Variants in PAH observed in about 807,000 individuals in gnomAD.
The protein encoded by PAH is phenylalanine hydroxylase.
A neutral mutation model predicts 62.0 loss-of-function variants in PAH; 64 were observed. The observed-to-expected ratio is 1.03, with a 90% CI of 0.84 to 1.27. The LOEUF (loss-of-function observed/expected upper bound fraction) is 1.27, where lower values mean the gene tolerates loss of function less well. Among genes scored for constraint, PAH ranks in the 50% most tolerant of loss-of-function variants. The probability of loss-of-function intolerance (pLI) is 0.00; values close to 1 mark genes in which losing one functional copy is unlikely to be tolerated. For synonymous variants in PAH, 195 were observed against 196.2 expected, an observed-to-expected ratio of 0.99 and a Z score of 0.05; for missense variants, 579 against 542.8, an observed-to-expected ratio of 1.07 and a Z score of -0.66.
chr12:102,931,195 T>C (rs1006177223), intron 1 of PAH, among the ~76,000 whole-genome samples: 1 of 152,196 alleles, frequency 6.6e-6, no homozygotes, highest in Non-Finnish European at 1.5e-5. Context: ...CTATCAAATT[T>C]TATATTTAAA....
At chr12:102,877,805 G>A (rs1296701620) in intron 3 of PAH, among the ~76,000 whole-genome samples, 13 of 152,194 alleles carry the variant, frequency 8.5e-5, no homozygotes, top group East Asian at 3.9e-4. Context: ...CCTCCCACCC[G>A]TCATGGTAGT....
At position 102,957,174 on chromosome 12, in the gene PAH, A is replaced by G. The variant is rs1360222046; in HGVS notation, c.-96+1021T>C. 1.3e-5 allele frequency among the ~76,000 whole-genome samples: 2 copies of G among 151,564 alleles called. No homozygotes were observed. Among genetic ancestry groups the G allele is most frequent in the Non-Finnish European group, 2.9e-5 (2 of 67,868 alleles). ...GAGAAAACAGGAAAAGTCGAGCCCCACTCCCTCCTCACCTCCACACCGTTC... is the reference window on the plus strand; with the variant it reads ...GAGAAAACAGGAAAAGTCGAGCCCCGCTCCCTCCTCACCTCCACACCGTTC... On this transcript the variant is annotated intron_variant, in intron 1 of 4. Transcript: ENST00000551337. The surrounding 1 kb of genome is among the most constrained non-coding windows in gnomAD (Gnocchi z 4.1).
At chr12:102,951,354 C>G (rs1879755377), upstream of PAH, among the ~76,000 whole-genome samples, 1 of 152,100 alleles carries the variant, frequency 6.6e-6, no homozygotes, top group Non-Finnish European at 1.5e-5. Context: ...TGAGGGTCAA[C>G]GAAGCAGAGT....
upstream of PAH, among the ~76,000 whole-genome samples, chr12:102,952,969 T>C (rs1879812852): frequency 6.6e-6 from 1 of 152,206 alleles, no homozygotes; most frequent in Non-Finnish European, 1.5e-5. Flanking sequence ...TTTCTGAAAT[T>C]ACCTTGGGTA....
intron 2 of PAH, among the ~76,000 whole-genome samples, chr12:102,903,006 A>G (rs1319335442): frequency 1.3e-5 from 2 of 152,172 alleles, no homozygotes; most frequent in Non-Finnish European, 2.9e-5. Context: ...AGAGAAAAGA[A>G]CTGTCTTTTC....
In PAH at chr12:102,957,858, G is replaced by C. The variant is rs1343665874; in HGVS notation, c.-96+337C>G. ...AGCGCAGCCTTAGTAGGAGAGGAAC[G>C]CGAGACGCGGCAGAGCGCGTTCAGC... On this transcript the variant is annotated intron_variant, in intron 1 of 4. Transcript: ENST00000551337. The surrounding 1 kb of genome is among the most constrained non-coding windows in gnomAD (Gnocchi z 4.1). The C allele has an allele frequency of 5.8e-6, 1 of 173,192 alleles. No homozygotes were observed. The highest frequency in any genetic ancestry group is 1.2e-5 in the Non-Finnish European group (1 of 82,644). The allele number at this position is 173,192 out of a possible 1,614,324, so 10.7% of individuals were successfully genotyped here.
At chr12:102,922,651 AT>A (rs143008229) in intron 1 of PAH, among the ~76,000 whole-genome samples, 4,814 of 152,292 alleles carry the variant, frequency 0.032, 262 homozygotes, top group African/African-American at 0.11. Context: ...AAGTATTAAC[AT>A]TTATGTTGTT....
chr12:102,918,034 G>C (rs1474581149), upstream of PAH, among the ~76,000 whole-genome samples: 1 of 152,194 alleles, frequency 6.6e-6, no homozygotes, highest in Non-Finnish European at 1.5e-5. Context: ...GAACAAAACA[G>C]ACTCTGCCTC....
Position 102,843,611 on chromosome 12 carries a change from C to T in PAH, c.1199+35G>A, listed in dbSNP as rs752746091. 6 of 1,612,922 alleles carry T rather than the reference C, an allele frequency of 3.7e-6. No homozygotes were observed. In the African/African-American group the frequency reaches 6.7e-5, roughly 18 times the overall value. ...ATGAGTGGCACCAGTCAGGAGGCCC[C>T]CAGAGCTAGTGGCTCACCTTTGTCA... On this transcript the variant is annotated intron_variant, in intron 11 of 12. Transcript: ENST00000553106.
chr12:102,879,085 T>C (rs914931267), intron 3 of PAH, among the ~76,000 whole-genome samples: 5 of 152,100 alleles, frequency 3.3e-5, no homozygotes, highest in Non-Finnish European at 7.3e-5. Flanking sequence ...CCGGGTTCCA[T>C]CTGCCTACTT....
intron 3 of PAH, among the ~76,000 whole-genome samples, chr12:102,885,609 A>T (rs1877005781): frequency 6.6e-6 from 1 of 152,174 alleles, no homozygotes; most frequent in Non-Finnish European, 1.5e-5. Flanking sequence ...TAGTGGTCCC[A>T]TTAAGTCGGG....
At chr12:102,884,540 C>G (rs1259060117) in intron 3 of PAH, among the ~76,000 whole-genome samples, 47 of 152,340 alleles carry the variant, frequency 3.1e-4, no homozygotes, top group Middle Eastern at 3.4e-3. Flanking sequence ...TCCTGCGTCT[C>G]TGGCTTTGCA....
intron 4 of PAH, among the ~76,000 whole-genome samples, chr12:102,867,834 T>C (rs796951050): frequency 3.8e-5 from 5 of 131,464 alleles, no homozygotes; most frequent in Admixed American, 9.0e-5. Flanking sequence ...TCTCTCTCTC[T>C]CCCCCTCTCT....
chr12:102,852,303 G>A, intron 7 of PAH: 1 of 196,480 alleles, frequency 5.1e-6, no homozygotes, highest in South Asian at 1.0e-4. Flanking sequence ...TGAACTTTAT[G>A]GGCAAGGAAA....
At chr12:102,907,000 T>A (rs1878003465) in intron 2 of PAH, among the ~76,000 whole-genome samples, 1 of 152,202 alleles carries the variant, frequency 6.6e-6, no homozygotes, top group Non-Finnish European at 1.5e-5. Context: ...ATGATCAGGA[T>A]AGAGGAGAGA....
chr12:102,879,823 G>A (rs951291550), intron 3 of PAH, among the ~76,000 whole-genome samples: 2 of 152,168 alleles, frequency 1.3e-5, no homozygotes, highest in African/African-American at 2.4e-5. Flanking sequence ...TGACTGTGAA[G>A]CCAGATTTCC....
At chr12:102,875,991 A>G (rs144007159) in intron 4 of PAH, among the ~76,000 whole-genome samples, 1 of 151,726 alleles carries the variant, frequency 6.6e-6, no homozygotes, top group African/African-American at 2.4e-5. Context: ...GCACACCCAA[A>G]TATTAATATT....
At chr12:102,941,026 C>T (rs1199412803) in intron 1 of PAH, among the ~76,000 whole-genome samples, 1 of 152,106 alleles carries the variant, frequency 6.6e-6, no homozygotes, top group Non-Finnish European at 1.5e-5. Context: ...ATTCAGCATT[C>T]CTAAAGAAAA....
intron 1 of PAH, among the ~76,000 whole-genome samples, chr12:102,932,994 G>A (rs974739680): frequency 6.6e-6 from 1 of 152,074 alleles, no homozygotes; most frequent in African/African-American, 2.4e-5. Context: ...ATCCAATTAT[G>A]CTCTTTCATT....
Sources: gnomAD v4.1 joint callset for allele counts (sites outside exome capture counted in the v4.1 genomes callset) on GRCh38, gnomAD v4.1.1 for gene constraint, Gnocchi (gnomAD v3.1) non-coding constraint, MANE v1.5 for transcripts, NCBI Gene and HGNC (gene_info 2026-07-23, HGNC 2026-07-21) for gene names.